Variants in LRP12 observed in about 807,000 individuals in gnomAD.
LRP12 encodes low-density lipoprotein receptor-related protein 12.
LRP12 carries 14 observed loss-of-function variants against 66.0 expected under a neutral mutation model. The ratio of observed to expected loss-of-function variants is 0.21; its 90% confidence interval spans 0.14 to 0.33. The LOEUF (loss-of-function observed/expected upper bound fraction) is 0.33, where lower values mean the gene tolerates loss of function less well. Among genes scored for constraint, LRP12 ranks in the 10% least tolerant of loss-of-function variants. The pLI, the probability that LRP12 is intolerant of heterozygous loss-of-function variation, is 1.00. For missense variants in LRP12, 889 were observed against 1,053.4 expected, an observed-to-expected ratio of 0.84 and a Z score of 2.16; for synonymous variants, 357 against 359.1, an observed-to-expected ratio of 0.99 and a Z score of 0.07.
At chr8:104,579,265 T>C (rs549393184) in intron 1 of LRP12, among the ~76,000 whole-genome samples, 103 of 152,186 alleles carry the variant, frequency 6.8e-4, no homozygotes, top group Non-Finnish European at 8.7e-4. Context: ...CAAATATCAC[T>C]AACATTCCTA....
At chr8:104,494,548 G>A (rs1810691721) in intron 6 of LRP12, among the ~76,000 whole-genome samples, 3 of 152,020 alleles carry the variant, frequency 2.0e-5, no homozygotes, top group Admixed American at 6.6e-5. Flanking sequence ...TAAGCACTAC[G>A]AGAAAAATTT....
At chr8:104,547,247 T>TTC (rs201475130) in intron 1 of LRP12, among the ~76,000 whole-genome samples, 16,320 of 133,846 alleles carry the variant, frequency 0.12, 1,965 homozygotes, top group African/African-American at 0.27. Context: ...TAATATACAA[T>TTC]TCTGTTATAT....
chr8:104,580,524 C>T (rs7819632), intron 1 of LRP12, among the ~76,000 whole-genome samples: 2,422 of 150,230 alleles, frequency 0.016, 81 homozygotes, highest in African/African-American at 0.057. Context: ...AGCAAGACTC[C>T]GTTTCAAAAA....
chr8:104,540,477 T>C (rs1361678435), intron 1 of LRP12, among the ~76,000 whole-genome samples: 2 of 152,174 alleles, frequency 1.3e-5, no homozygotes, highest in African/African-American at 4.8e-5. Flanking sequence ...AAAGGCTCCA[T>C]AATGTCTAAC....
chr8:104,562,708 T>C (rs1306387844), intron 1 of LRP12, among the ~76,000 whole-genome samples: 1 of 152,196 alleles, frequency 6.6e-6, no homozygotes, highest in Non-Finnish European at 1.5e-5. Flanking sequence ...TTACTGTTTC[T>C]ATAAATTGTC....
At chr8:104,553,067 C>G (rs1214041149) in intron 1 of LRP12, among the ~76,000 whole-genome samples, 1 of 152,152 alleles carries the variant, frequency 6.6e-6, no homozygotes, top group African/African-American at 2.4e-5. Flanking sequence ...GGGAAGAGCC[C>G]TGTGGGCACT....
chr8:104,589,177 C>A lies in LRP12; in HGVS notation c.-280G>T, dbSNP rs2140906606. On this transcript the variant is annotated 5_prime_UTR_variant, in exon 1 of 7. Transcript: ENST00000276654. Reference sequence around the variant, plus strand: ...GGGGCAAGGGCAAGGAGCTCGCGCGCCAGCGCGAGACGAGAGGGTGGCGGA... The same window carrying A: ...GGGGCAAGGGCAAGGAGCTCGCGCGACAGCGCGAGACGAGAGGGTGGCGGA... 6.6e-6 allele frequency among the ~76,000 whole-genome samples: 1 copy of A among 151,632 alleles called. No individual in the cohort carries two copies. The highest frequency in any genetic ancestry group is 2.4e-5 in the African/African-American group (1 of 41,462).
intron 1 of LRP12, among the ~76,000 whole-genome samples, chr8:104,588,548 C>A (rs139210143): frequency 0.022 from 3,396 of 152,220 alleles, 62 homozygotes; most frequent in Non-Finnish European, 0.031. Flanking sequence ...TCGGGAAGTC[C>A]GCCCGCCACC....
rs186062917 is a variant in LRP12 at position 104,512,470 on chromosome 8, C to T, written c.137-3396G>A. ...TCATTTTTATTAAAAGATTCACCTA[C>T]GTTAAAGAGACTAATACAATTTTGA... On this transcript the variant is annotated intron_variant, in intron 2 of 6. Coordinates refer to ENST00000276654, the MANE Select transcript of LRP12 (RefSeq NM_013437.5). Among the ~76,000 whole-genome samples, 16 of 152,244 alleles carry T rather than the reference C, an allele frequency of 1.1e-4. No individual in the cohort carries two copies. In the East Asian group the frequency reaches 2.3e-3, roughly 22 times the overall value.
rs988402653 is a variant in LRP12, at chr8:104,527,612, C to G, written c.136+4295G>C. ...AAACCAAACACCGCATGTTCTCACTCATAGATGGGAATTGAACAATGAGAA... is the reference window on the plus strand; with the variant it reads ...AAACCAAACACCGCATGTTCTCACTGATAGATGGGAATTGAACAATGAGAA... On this transcript the variant is annotated intron_variant, in intron 2 of 6. Transcript: ENST00000276654. 4.6e-5 allele frequency among the ~76,000 whole-genome samples: 7 copies of G among 151,902 alleles called. No homozygotes were observed. In the East Asian group the frequency reaches 1.4e-3, roughly 29 times the overall value.
At chr8:104,543,580 A>G (rs950532823) in intron 1 of LRP12, among the ~76,000 whole-genome samples, 1 of 152,160 alleles carries the variant, frequency 6.6e-6, no homozygotes, top group Non-Finnish European at 1.5e-5. Flanking sequence ...AATGATCTCT[A>G]AGTGTTCAGG....
In LRP12 at chr8:104,498,066, C is replaced by G; in HGVS notation, c.486G>C (p.Glu162Asp). Residue 162 changes from glutamate to aspartate, a missense_variant, in exon 5 of 7, where the codon GAG (glutamate) becomes GAC (aspartate). This residue lies in a region of LRP12 where 800 missense variants were observed against 964.5 expected (regional missense o/e 0.83). Coordinates refer to ENST00000276654, the MANE Select transcript of LRP12 (RefSeq NM_013437.5). ...FRLAYFSGKSEEPNCACDQFR... is the reference protein window; with the variant it reads ...FRLAYFSGKSDEPNCACDQFR... ...ACTGATCACAAGCACAATTTGGTTC[C>G]TCAGATTTCCCTGTGAAGATGTGAG... 6.3e-7 allele frequency: 1 copy of G among 1,589,802 alleles called. No homozygotes were observed. Among genetic ancestry groups the G allele is most frequent in the South Asian group, 1.2e-5 (1 of 86,348 alleles).
chr8:104,503,328 CAAAAAAA>C (rs59353283), intron 3 of LRP12, among the ~76,000 whole-genome samples: 4 of 30,070 alleles, frequency 1.3e-4, no homozygotes, highest in Non-Finnish European at 2.1e-4. Context: ...CTGTGTCTCT[CAAAAAAA>C]AAAAAAAAAA....
intron 1 of LRP12, among the ~76,000 whole-genome samples, chr8:104,584,352 A>T (rs1812298434): frequency 6.6e-6 from 1 of 151,774 alleles, no homozygotes; most frequent in Admixed American, 6.6e-5. Context: ...CTGAACTTTC[A>T]CCCCTTAAAT....
chr8:104,525,706 C>T (rs1259205830), intron 2 of LRP12, among the ~76,000 whole-genome samples: 1 of 152,104 alleles, frequency 6.6e-6, no homozygotes, highest in East Asian at 1.9e-4. Flanking sequence ...AGAGCTATGA[C>T]AAACCCACAG....
At chr8:104,548,314 TAA>T (rs1459692355) in intron 1 of LRP12, among the ~76,000 whole-genome samples, 1 of 29,144 alleles carries the variant, frequency 3.4e-5, no homozygotes, top group Non-Finnish European at 5.2e-5. Flanking sequence ...ATATATTATA[TAA>T]ATATATAATA....
At chr8:104,507,196 A>C (rs1588485924) in intron 3 of LRP12, 2 of 152,198 alleles carry the variant, frequency 1.3e-5, no homozygotes, top group African/African-American at 4.8e-5. Context: ...CAGGTGTGTC[A>C]TCTTTTTAAA....
intron 1 of LRP12, among the ~76,000 whole-genome samples, chr8:104,568,896 T>C (rs945226199): frequency 2.0e-5 from 3 of 152,162 alleles, no homozygotes; most frequent in African/African-American, 7.2e-5. Flanking sequence ...ACAGAATTAC[T>C]ATATGAGTCA....
intron 2 of LRP12, among the ~76,000 whole-genome samples, chr8:104,509,678 G>T: frequency 6.6e-6 from 1 of 152,174 alleles, no homozygotes; most frequent in Admixed American, 6.6e-5. Context: ...TCCATTAAGT[G>T]AAAAGGTGAA....
Sources: gnomAD v4.1 joint callset for allele counts (sites outside exome capture counted in the v4.1 genomes callset) on GRCh38, gnomAD v4.1.1 for gene constraint, gnomAD v4.1.1 regional missense constraint, MANE v1.5 for transcripts, NCBI Gene and HGNC (gene_info 2026-07-23, HGNC 2026-07-21) for gene names.